The following SBNO2 variants were observed in gnomAD, a reference collection of about 807,000 sequenced individuals.
SBNO2 encodes strawberry notch homolog 2, also known as protein strawberry notch homolog 2.
In SBNO2, 89 loss-of-function variants were observed where a neutral mutation model predicts 146.3. The observed-to-expected ratio is 0.61, with a 90% CI of 0.51 to 0.73. The LOEUF is 0.73. Ranked by LOEUF, SBNO2 falls within the 30% of genes least tolerant of loss-of-function variation. The pLI is 0.00. For missense variants in SBNO2, 2,092 were observed against 2,003.7 expected, an observed-to-expected ratio of 1.04 and a Z score of -0.84; for synonymous variants, 1,147 against 892.6, an observed-to-expected ratio of 1.29 and a Z score of -5.08.
rs1366218140 is a variant in SBNO2, at chr19:1,110,342, G to C, written c.3028+403C>G. Among the ~76,000 whole-genome samples the C allele has an allele frequency of 6.6e-6, 1 of 152,116 alleles. No homozygotes were observed. Among genetic ancestry groups the C allele is most frequent in the Non-Finnish European group, 1.5e-5 (1 of 67,998 alleles). On this transcript the variant is annotated intron_variant, in intron 26 of 31. Transcript: ENST00000361757. The surrounding 1 kb of genome is among the most constrained non-coding windows in gnomAD (Gnocchi z 4.9). ...TTCACAACAATGTAGCAGGTGCCCC[G>C]TGAAGCCTGGGGATGAGCATGGTGG...
At position 1,127,670 on chromosome 19, in the gene SBNO2, C is replaced by T. The variant is rs199745276; in HGVS notation, c.375G>A (p.Pro125=). ...SDIVDTPDFL[P]ADSLNQVSTI... ...TGGACACCTGGTTGAGGCTGTCAGC[C>T]GGCAGGAAGTCGGGCGTGTCCACGA... The change falls in exon 5 of 32, where the codon CCG becomes CCA. Residue 125 remains proline, a synonymous_variant. Transcript: ENST00000361757. 15 of 1,613,498 alleles carry T rather than the reference C, an allele frequency of 9.3e-6. No homozygotes were observed. The highest frequency in any genetic ancestry group is 4.5e-5 in the East Asian group (2 of 44,880).
At chr19:1,159,784 G>A in intron 1 of SBNO2, among the ~76,000 whole-genome samples, 1 of 125,892 alleles carries the variant, frequency 7.9e-6, no homozygotes, top group Non-Finnish European at 1.7e-5. Context: ...GGCAGTGGGG[G>A]ACAGTGGGGG....
At position 1,166,617 on chromosome 19, in the gene SBNO2, G is replaced by GCACA. The variant is rs71932539; in HGVS notation, c.-127+7551_-127+7554dup. ...ACAGAGCGAGACCGCAACTGCACGC[G>GCACA]CACACACACACACACACACACACAC... On this transcript the variant is annotated intron_variant, in intron 1 of 31. Transcript: ENST00000361757. Among the ~76,000 whole-genome samples, 344 of 136,388 alleles carry GCACA rather than the reference G, an allele frequency of 2.5e-3. 3 individuals are homozygous for GCACA. The highest frequency in any genetic ancestry group is 8.2e-3 in the African/African-American group (327 of 39,662). The allele number at this position is 136,388 out of a possible 152,430, so 89.5% of individuals were successfully genotyped here.
intron 17 of SBNO2, chr19:1,115,686 A>G (rs2079822106): frequency 2.4e-6 from 1 of 419,528 alleles, no homozygotes; most frequent in Non-Finnish European, 4.3e-6. Context: ...GGGGTTATCA[A>G]TGGGCTCCCC....
chr19:1,172,251 C>T (rs979671035), intron 1 of SBNO2, among the ~76,000 whole-genome samples: 1 of 152,210 alleles, frequency 6.6e-6, no homozygotes, highest in Non-Finnish European at 1.5e-5. Context: ...TCTCCCCTGC[C>T]GTGGGAGGCC....
intron 4 of SBNO2, among the ~76,000 whole-genome samples, chr19:1,129,048 C>A (rs1232816127): frequency 6.6e-6 from 1 of 151,862 alleles, no homozygotes; most frequent in Non-Finnish European, 1.5e-5. Flanking sequence ...GGGCAGATCA[C>A]CTGAGGTCAG....
intron 5 of SBNO2, among the ~76,000 whole-genome samples, chr19:1,127,338 T>C (rs527248838): frequency 1.3e-5 from 2 of 152,192 alleles, no homozygotes; most frequent in South Asian, 4.1e-4. Flanking sequence ...CTGGGCAGCA[T>C]CCTGGCCCCC....
rs778684055 is a variant in SBNO2 at position 1,119,083 on chromosome 19, G to T, written c.1455C>A (p.Gly485=). The change falls in exon 14 of 32, where the codon GGC becomes GGA. Residue 485 remains glycine, a synonymous_variant. Transcript: ENST00000361757. ...GGATCTCCTCGATGCGGAAGGTGACGCCGGAGAAGCTGAGCTGGCGTGCGA... is the reference window on the plus strand; with the variant it reads ...GGATCTCCTCGATGCGGAAGGTGACTCCGGAGAAGCTGAGCTGGCGTGCGA... ...MYIARQLSFS[G]VTFRIEEIPL... 3 of 1,605,540 alleles carry T rather than the reference G, an allele frequency of 1.9e-6. No homozygotes were observed. Among genetic ancestry groups the T allele is most frequent in the Non-Finnish European group, 1.7e-6 (2 of 1,177,102 alleles).
chr19:1,133,270 G>A (rs1599852275), intron 4 of SBNO2, among the ~76,000 whole-genome samples: 2 of 152,312 alleles, frequency 1.3e-5, no homozygotes, highest in African/African-American at 4.8e-5. Context: ...TCCTCTGTGA[G>A]GGGAGGAAGG....
intron 4 of SBNO2, among the ~76,000 whole-genome samples, chr19:1,145,127 A>G (rs2080177352): frequency 6.6e-6 from 1 of 151,850 alleles, no homozygotes; most frequent in Admixed American, 6.6e-5. Context: ...GGAGACAGAG[A>G]GAGAGACTAG....
At chr19:1,123,118 G>A (rs1372637521) in intron 7 of SBNO2, 73 bp from the exon 8 acceptor site, 4 of 1,519,168 alleles carry the variant, frequency 2.6e-6, no homozygotes, top group East Asian at 2.4e-5. Context: ...ATGGCACGCT[G>A]GGCGGGTCTG....
intron 4 of SBNO2, among the ~76,000 whole-genome samples, chr19:1,141,540 A>G (rs745616747): frequency 2.6e-5 from 4 of 151,758 alleles, no homozygotes; most frequent in Non-Finnish European, 4.4e-5. Flanking sequence ...AATTTTGTAT[A>G]GAGATGAGGT....
chr19:1,116,166 C>T, intron 16 of SBNO2, 63 bp from the exon 17 acceptor site: 1 of 1,503,060 alleles, frequency 6.7e-7, no homozygotes, highest in East Asian at 2.3e-5. Context: ...GGTTGCTCTC[C>T]AGGAGCTGGA....
rs370217842 is a variant in SBNO2 at position 1,149,399 on chromosome 19, G to A, written c.137C>T (p.Pro46Leu). 122 of 1,552,318 alleles carry A rather than the reference G, an allele frequency of 7.9e-5. No homozygotes were observed. Among genetic ancestry groups the A allele is most frequent in the Non-Finnish European group, 9.5e-5 (109 of 1,148,218 alleles). ...GTCGCTGGAGAAGGCAGGGTATGGC[G>A]GCAGCGAGAAGGTGTTCCAGTAGGG... Reference protein sequence around the residue: ...HCPYWNTFSLPPYPAFSSDSR... With the variant: ...HCPYWNTFSLLPYPAFSSDSR... Residue 46 changes from proline to leucine, a missense_variant, in exon 3 of 32, where the codon CCG (proline) becomes CTG (leucine). Coordinates refer to ENST00000361757, the MANE Select transcript of SBNO2 (RefSeq NM_014963.3).
Position 1,109,082 on chromosome 19 carries a change from G to T in SBNO2, c.3425+53C>A. The T allele has an allele frequency of 2.0e-6, 3 of 1,538,208 alleles. No individual in the cohort carries two copies. Among genetic ancestry groups the T allele is most frequent in the Non-Finnish European group, 1.8e-6 (2 of 1,142,026 alleles). The stretch of plus-strand genomic sequence containing the variant: ...AGGGTCTCGGGAGCCCCCGATCCCC[G>T]CCTGGGTCGCCGCCATCTGCCGGTT... On this transcript the variant is annotated intron_variant, in intron 30 of 31. Transcript: ENST00000361757. The surrounding 1 kb of genome is among the most constrained non-coding windows in gnomAD (Gnocchi z 4.2).
rs1047371732 is a variant in SBNO2 at position 1,108,977 on chromosome 19, C to G, written c.3426-8G>C. The stretch of plus-strand genomic sequence containing the variant: ...AGCCGGCAGTGCCGGTTCCTGCGGA[C>G]GAGACGGGTCGTCTCGGCTCAGGCG... On this transcript the variant is annotated splice_region_variant and splice_polypyrimidine_tract_variant and intron_variant, in intron 30 of 31. Coordinates refer to ENST00000361757, the MANE Select transcript of SBNO2 (RefSeq NM_014963.3). The G allele has an allele frequency of 1.7e-5, 25 of 1,511,580 alleles. No individual in the cohort carries two copies. The highest frequency in any genetic ancestry group is 2.4e-5 in the East Asian group (1 of 40,924). The allele number at this position is 1,511,580 out of a possible 1,614,324, so 93.6% of individuals were successfully genotyped here.
chr19:1,120,181 A>C, intron 11 of SBNO2, 158 bp from the exon 12 acceptor site: 1 of 617,742 alleles, frequency 1.6e-6, no homozygotes. Context: ...GCAGCCGGCT[A>C]CCATGGGGGG....
intron 1 of SBNO2, among the ~76,000 whole-genome samples, chr19:1,168,073 T>C (rs1477189224): frequency 5.3e-5 from 8 of 151,952 alleles, no homozygotes; most frequent in Non-Finnish European, 1.0e-4. Flanking sequence ...TGGGCAGGAA[T>C]GTGGCCAGGG....
At chr19:1,131,813 G>A (rs962536768) in intron 4 of SBNO2, among the ~76,000 whole-genome samples, 4 of 152,196 alleles carry the variant, frequency 2.6e-5, no homozygotes, top group African/African-American at 9.6e-5. Context: ...GGCTGAGCCC[G>A]ACCCCCCCAC....
Sources: allele counts gnomAD v4.1 joint callset (sites outside exome capture counted in the v4.1 genomes callset), GRCh38; gene constraint gnomAD v4.1.1; non-coding constraint Gnocchi (gnomAD v3.1); transcripts MANE v1.5; gene names NCBI Gene and HGNC (gene_info 2026-07-23, HGNC 2026-07-21).